Variants in GRSF1 observed in about 807,000 individuals in gnomAD.
GRSF1 encodes the protein G-rich RNA sequence binding factor 1, also known as G-rich sequence factor 1.
A neutral mutation model predicts 51.1 loss-of-function variants in GRSF1; 50 were observed. The observed-to-expected ratio is 0.98, with a 90% CI of 0.78 to 1.24. The LOEUF is 1.24. Ranked by LOEUF, GRSF1 falls within the 50% of genes most tolerant of loss-of-function variation. The pLI, the probability that GRSF1 is intolerant of heterozygous loss-of-function variation, is 0.00. For synonymous variants in GRSF1, 293 were observed against 253.3 expected, an observed-to-expected ratio of 1.16 and a Z score of -1.49; for missense variants, 700 against 639.7, an observed-to-expected ratio of 1.09 and a Z score of -1.02.
chr4:70,832,343 T>A lies in GRSF1; in HGVS notation c.778A>T (p.Ser260Cys). The change falls in exon 4 of 10, where the codon AGT becomes TGT. Residue 260 changes from serine to cysteine, a missense_variant. By Grantham distance (112) the Ser-to-Cys change is moderately radical. Transcript: ENST00000254799. Reference sequence around the variant, plus strand: ...TCTACAATGTCTTTCTCATTGCAACTATAAGGAAGTCCTCTCAAACGAACC... The same window carrying A: ...TCTACAATGTCTTTCTCATTGCAACAATAAGGAAGTCCTCTCAAACGAACC... ...GVVRLRGLPY[S>C]CNEKDIVDFF... 2 of 1,613,564 alleles carry A rather than the reference T, an allele frequency of 1.2e-6. No homozygotes were observed. The highest frequency in any genetic ancestry group is 1.7e-6 in the Non-Finnish European group (2 of 1,179,536).
chr4:70,842,688 G>T (rs1053464161), upstream of GRSF1, among the ~76,000 whole-genome samples: 8 of 152,106 alleles, frequency 5.3e-5, no homozygotes, highest in Admixed American at 5.2e-4. Context: ...ACAGGTTGCT[G>T]ATGTATTGGA....
chr4:70,826,030 A>T (rs896926382), intron 7 of GRSF1, 94 bp downstream of exon 7: 1 of 1,076,252 alleles, frequency 9.3e-7, no homozygotes, highest in Non-Finnish European at 1.4e-6. Flanking sequence ...CAGAAACACT[A>T]TATTTTCTTC....
intron 3 of GRSF1, among the ~76,000 whole-genome samples, 167 bp downstream of exon 3, chr4:70,832,951 C>G (rs752810941): frequency 1.3e-5 from 2 of 151,670 alleles, no homozygotes; most frequent in Non-Finnish European, 2.9e-5. Flanking sequence ...CCATCCCCCC[C>G]ACAAAAAAAA....
chr4:70,839,289 G>A lies in GRSF1; in HGVS notation c.357+182C>T, dbSNP rs1227707999. ...AACAAGCAGAAGACCCGACGCCTGG[G>A]AGAGCTTCCCTTGTTCCAGGGCCCA... On this transcript the variant is annotated intron_variant, in intron 1 of 9. Coordinates refer to ENST00000254799, the MANE Select transcript of GRSF1 (RefSeq NM_002092.4). The A allele has an allele frequency of 2.0e-6, 3 of 1,498,474 alleles. No homozygotes were observed. The African/African-American group carries it at 4.2e-5, about 21-fold the overall frequency. 92.8% of individuals were successfully genotyped at this position (1,498,474 alleles called of 1,614,324 possible). A position where few individuals can be genotyped will look rare whatever the true frequency, so the allele number is the denominator to read the frequency against.
At chr4:70,823,307 G>C (rs1490958140) in intron 9 of GRSF1, among the ~76,000 whole-genome samples, 1 of 152,078 alleles carries the variant, frequency 6.6e-6, no homozygotes, top group South Asian at 2.1e-4. Context: ...TGAGGCAGGA[G>C]AATCTCTTGA....
intron 8 of GRSF1, among the ~76,000 whole-genome samples, chr4:70,824,604 C>T (rs534887893): frequency 2.6e-5 from 4 of 152,062 alleles, no homozygotes; most frequent in East Asian, 1.9e-4. Flanking sequence ...GCCAATGTAG[C>T]GAAACCCCAT....
intron 2 of GRSF1, among the ~76,000 whole-genome samples, chr4:70,833,942 T>G (rs1010995359): frequency 1.3e-5 from 2 of 152,230 alleles, no homozygotes; most frequent in Non-Finnish European, 2.9e-5. Context: ...GATTTACTCC[T>G]GCTCCACAAG....
At chr4:70,835,183 C>G (rs912487367) in intron 2 of GRSF1, among the ~76,000 whole-genome samples, 18 of 151,556 alleles carry the variant, frequency 1.2e-4, no homozygotes, top group African/African-American at 4.4e-4. Context: ...GTGGCTCACG[C>G]CTGTAATCCC....
chr4:70,836,621 T>G (rs1358423493), intron 1 of GRSF1, among the ~76,000 whole-genome samples: 3 of 152,138 alleles, frequency 2.0e-5, no homozygotes, highest in Non-Finnish European at 4.4e-5. Flanking sequence ...TCCTGACAAT[T>G]TGACAAATAT....
intron 2 of GRSF1, among the ~76,000 whole-genome samples, chr4:70,834,052 A>C (rs895057652): frequency 1.3e-5 from 2 of 152,160 alleles, no homozygotes; most frequent in Non-Finnish European, 2.9e-5. Context: ...TGAGGTCAGG[A>C]GTTTGAGACC....
chr4:70,828,262 T>C (rs1434447069), intron 5 of GRSF1, among the ~76,000 whole-genome samples: 7 of 152,256 alleles, frequency 4.6e-5, no homozygotes, highest in Admixed American at 4.6e-4. Flanking sequence ...ACACTTTTTC[T>C]TCACATACAT....
chr4:70,825,181 A>T, intron 8 of GRSF1, 115 bp downstream of exon 8: 1 of 734,622 alleles, frequency 1.4e-6, no homozygotes, highest in Non-Finnish European at 2.2e-6. Flanking sequence ...ATTTACTAGT[A>T]CTAAAAGAAT....
rs376426555 is a variant in GRSF1 at position 70,832,292 on chromosome 4, A to G, written c.814+15T>C. 5.6e-6 allele frequency: 9 copies of G among 1,610,586 alleles called. No individual in the cohort carries two copies. Among genetic ancestry groups the G allele is most frequent in the African/African-American group, 5.3e-5 (4 of 74,844 alleles). On this transcript the variant is annotated intron_variant, in intron 4 of 9. Coordinates refer to ENST00000254799, the MANE Select transcript of GRSF1 (RefSeq NM_002092.4). ...AAAGATATGAGCTCCCAAGCATAAT[A>G]CAACTGCAAAGTACCTGCAAAGAAG... is the stretch of plus-strand genomic sequence containing the variant.
intron 5 of GRSF1, among the ~76,000 whole-genome samples, chr4:70,830,709 C>T (rs551242647): frequency 2.5e-4 from 38 of 151,702 alleles, no homozygotes; most frequent in African/African-American, 9.2e-4. Flanking sequence ...GTTCCAGCTA[C>T]TCAGGAGGCT....
At chr4:70,839,422 C>A in intron 1 of GRSF1, 49 bp downstream of exon 1, 4 of 1,502,704 alleles carry the variant, frequency 2.7e-6, no homozygotes, top group Non-Finnish European at 3.5e-6. Flanking sequence ...GGCGCGTGCA[C>A]GCGGCCCGGG....
intron 8 of GRSF1, among the ~76,000 whole-genome samples, chr4:70,824,796 A>C (rs1733667904): frequency 6.6e-6 from 1 of 152,160 alleles, no homozygotes; most frequent in South Asian, 2.1e-4. Context: ...AACCACAAAC[A>C]AACAAAATGT....
chr4:70,822,691 G>A (rs555880779), intron 9 of GRSF1, among the ~76,000 whole-genome samples: 17 of 151,952 alleles, frequency 1.1e-4, no homozygotes, highest in Non-Finnish European at 5.9e-5. Flanking sequence ...AGTCTATTAC[G>A]ATTTATAGCT....
At chr4:70,837,457 G>T (rs184074945) in intron 1 of GRSF1, among the ~76,000 whole-genome samples, 1 of 151,298 alleles carries the variant, frequency 6.6e-6, no homozygotes, top group Non-Finnish European at 1.5e-5. Flanking sequence ...CCAGCTACTC[G>T]GGAGGCTGAG....
Position 70,824,289 on chromosome 4 carries a change from T to C in GRSF1, c.*25+5A>G, listed in dbSNP as rs1288645300. On this transcript the variant is annotated splice_donor_5th_base_variant and intron_variant, in intron 9 of 9. Coordinates refer to ENST00000254799, the MANE Select transcript of GRSF1 (RefSeq NM_002092.4). The stretch of plus-strand genomic sequence containing the variant: ...CCAGCCCACAGTATTACCTCTTAAA[T>C]TTACCTTATTATCTGGAGCCCCTAG... The C allele has an allele frequency of 1.6e-6, 2 of 1,246,964 alleles. No individual in the cohort carries two copies. The highest frequency in any genetic ancestry group is 2.9e-5 in the African/African-American group (2 of 67,844). The allele number at this position is 1,246,964 out of a possible 1,614,324, so 77.2% of individuals were successfully genotyped here.
Sources: allele counts gnomAD v4.1 joint callset (sites outside exome capture counted in the v4.1 genomes callset), GRCh38; gene constraint gnomAD v4.1.1; transcripts MANE v1.5; gene names NCBI Gene and HGNC (gene_info 2026-07-23, HGNC 2026-07-21).